DZANK1: variants seen among roughly 807,000 people sequenced by gnomAD.
DZANK1 encodes the protein double zinc ribbon and ankyrin repeat domains 1.
Under a neutral mutation model 94.5 loss-of-function variants are expected in DZANK1, and 91 were observed. The ratio of observed to expected loss-of-function variants is 0.96; its 90% CI spans 0.81 to 1.15. DZANK1 has a LOEUF of 1.15. Ranked by LOEUF, DZANK1 falls within the 50% of genes most tolerant of loss-of-function variation. The pLI is 0.00. For synonymous variants in DZANK1, 312 were observed against 325.3 expected, an observed-to-expected ratio of 0.96 and a Z score of 0.44; for missense variants, 903 against 916.4, an observed-to-expected ratio of 0.99 and a Z score of 0.19.
chr20:18,400,336 G>A (rs1299576255), intron 13 of DZANK1, among the ~76,000 whole-genome samples: 1 of 152,142 alleles, frequency 6.6e-6, no homozygotes. Context: ...GGGGATATGA[G>A]GGACCATGGA....
chr20:18,453,091 C>CT (rs1406128423), intron 5 of DZANK1, among the ~76,000 whole-genome samples: 1 of 152,218 alleles, frequency 6.6e-6, no homozygotes, highest in African/African-American at 2.4e-5. Context: ...CTTTGCATGC[C>CT]TTGTCTTTCT....
chr20:18,420,664 A>G (rs550734036), intron 10 of DZANK1: 49 of 191,744 alleles, frequency 2.6e-4, no homozygotes, highest in Admixed American at 8.2e-4. Context: ...GCTTTCCATT[A>G]ATATCTGCAT....
At chr20:18,392,503 G>A (rs2056068584) in intron 17 of DZANK1, among the ~76,000 whole-genome samples, 1 of 152,208 alleles carries the variant, frequency 6.6e-6, no homozygotes. Context: ...CATCATGCAA[G>A]TGTCCAGCTC....
chr20:18,431,616 T>C (rs144791526), intron 9 of DZANK1, among the ~76,000 whole-genome samples: 18 of 152,284 alleles, frequency 1.2e-4, no homozygotes, highest in African/African-American at 3.8e-4. Flanking sequence ...GAAGCAGTAA[T>C]AGTGATTGTC....
chr20:18,447,462 G>A (rs1346148532), intron 7 of DZANK1, among the ~76,000 whole-genome samples: 1 of 151,820 alleles, frequency 6.6e-6, no homozygotes, highest in East Asian at 1.9e-4. Context: ...AAGTAGCTGG[G>A]ATTACAGGCG....
intron 10 of DZANK1, among the ~76,000 whole-genome samples, chr20:18,417,048 A>C (rs1345719298): frequency 1.3e-5 from 2 of 149,564 alleles, no homozygotes; most frequent in African/African-American, 2.5e-5. Flanking sequence ...AAAAAAAAAG[A>C]AGAGAAAGAA....
At chr20:18,409,576 ACACACAC>A (rs1446232685) in intron 13 of DZANK1, among the ~76,000 whole-genome samples, 17 of 128,496 alleles carry the variant, frequency 1.3e-4, no homozygotes, top group Admixed American at 3.7e-4. Flanking sequence ...ACACACACAC[ACACACAC>A]CACCACCACC....
intron 14 of DZANK1, 120 bp downstream of exon 14, chr20:18,398,403 G>A: frequency 2.4e-6 from 2 of 833,868 alleles, no homozygotes; most frequent in Middle Eastern, 3.6e-4. Flanking sequence ...AGAAAGTGTA[G>A]AAAGCAGAGC....
chr20:18,419,155 G>A (rs1357310745), intron 10 of DZANK1, among the ~76,000 whole-genome samples: 2 of 151,876 alleles, frequency 1.3e-5, no homozygotes, highest in East Asian at 1.9e-4. Flanking sequence ...CCAGCTACTC[G>A]GGAGGGTGAG....
At chr20:18,454,066 A>G (rs1389453368) in intron 4 of DZANK1, 5 of 603,648 alleles carry the variant, frequency 8.3e-6, no homozygotes, top group Non-Finnish European at 1.3e-5. Flanking sequence ...CCAAGGCAGG[A>G]GGCAGGGAGC....
chr20:18,398,315 G>C, intron 14 of DZANK1: 1 of 548,852 alleles, frequency 1.8e-6, no homozygotes, highest in South Asian at 2.4e-5. Context: ...CTTAGGTCAG[G>C]TGCCCCAGAA....
intron 19 of DZANK1, among the ~76,000 whole-genome samples, chr20:18,387,955 C>T (rs1218719043): frequency 2.0e-5 from 3 of 152,168 alleles, no homozygotes; most frequent in Non-Finnish European, 2.9e-5. Flanking sequence ...TGACTTATGC[C>T]TAAAAGCAAT....
chr20:18,445,851 G>A (rs1345726889), intron 7 of DZANK1, among the ~76,000 whole-genome samples: 1 of 152,106 alleles, frequency 6.6e-6, no homozygotes, highest in Non-Finnish European at 1.5e-5. Context: ...CCACCTCCTG[G>A]CTTCAAGTGA....
intron 2 of DZANK1, 66 bp downstream of exon 2, chr20:18,465,184 C>A (rs1434498936): frequency 9.1e-7 from 1 of 1,093,200 alleles, no homozygotes; most frequent in African/African-American, 1.6e-5. Context: ...GATAAACCAG[C>A]AACCAGATAA....
chr20:18,460,099 G>A, intron 3 of DZANK1, 54 bp downstream of exon 3: 1 of 1,225,872 alleles, frequency 8.2e-7, no homozygotes, highest in Non-Finnish European at 1.1e-6. Flanking sequence ...AATAAAATTA[G>A]AACATAATGT....
intron 11 of DZANK1, 83 bp downstream of exon 11, chr20:18,415,244 A>G: frequency 7.6e-7 from 1 of 1,308,900 alleles, no homozygotes; most frequent in Non-Finnish European, 9.9e-7. Flanking sequence ...TGATTTCTGC[A>G]AGGCCATGGA....
At chr20:18,442,467 A>C (rs553716230) in intron 8 of DZANK1, among the ~76,000 whole-genome samples, 1 of 152,344 alleles carries the variant, frequency 6.6e-6, no homozygotes, top group South Asian at 2.1e-4. Flanking sequence ...TCCCACCCTT[A>C]TTCCCTAAGA....
At chr20:18,403,014 T>C (rs1231347391) in intron 13 of DZANK1, among the ~76,000 whole-genome samples, 1 of 152,166 alleles carries the variant, frequency 6.6e-6, no homozygotes, top group African/African-American at 2.4e-5. Context: ...CCACTCCATA[T>C]AGGTGCAGAT....
chr20:18,414,967 G>T (rs930601282), intron 11 of DZANK1, among the ~76,000 whole-genome samples: 1 of 152,198 alleles, frequency 6.6e-6, no homozygotes, highest in Non-Finnish European at 1.5e-5. Flanking sequence ...CTTAGAGAGA[G>T]AGGAGACTAA....
Sources: allele counts gnomAD v4.1 joint callset (sites outside exome capture counted in the v4.1 genomes callset), GRCh38; gene constraint gnomAD v4.1.1; transcripts MANE v1.5; gene names NCBI Gene and HGNC (gene_info 2026-07-23, HGNC 2026-07-21).